The following CNTN4 variants were observed in gnomAD, a reference collection of about 807,000 sequenced individuals.
CNTN4 encodes the protein contactin-4.
In CNTN4, 77 loss-of-function variants were observed where a neutral mutation model predicts 122.5. That is an observed-to-expected ratio of 0.63 (90% CI 0.52 to 0.76). The LOEUF (loss-of-function observed/expected upper bound fraction) is 0.76, where lower values mean the gene tolerates loss of function less well. CNTN4 is among the 30% of genes least tolerant of loss of function. The probability of loss-of-function intolerance (pLI) is 0.00; values close to 1 mark genes in which losing one functional copy is unlikely to be tolerated. For synonymous variants in CNTN4, 512 were observed against 447.0 expected (o/e 1.15, Z -1.83); for missense variants, 1,256 against 1,259.1 (o/e 1.00, Z 0.04).
rs941426573 is a variant in CNTN4 at position 3,031,590 on chromosome 3, C to CA, written c.1783+615_1783+616insA. ...ATTTGGACCTAAGAGCTATGACCCC[C>CA]CCGGCTGAGCAACACCAACTGAGTA... On this transcript the variant is annotated intron_variant, in intron 16 of 24. Coordinates refer to ENST00000418658, the MANE Select transcript of CNTN4 (RefSeq NM_175607.3). Among the ~76,000 whole-genome samples, 6 of 152,020 alleles carry CA rather than the reference C, an allele frequency of 3.9e-5. No homozygotes were observed. In the East Asian group the frequency reaches 5.8e-4, roughly 15 times the overall value.
intron 3 of CNTN4, among the ~76,000 whole-genome samples, chr3:2,420,815 G>A (rs1055389835): frequency 6.6e-6 from 1 of 152,118 alleles, no homozygotes; most frequent in Non-Finnish European, 1.5e-5. Flanking sequence ...TAGTTACACT[G>A]TAATACTTGT....
rs143945026 is a variant in CNTN4, at chr3:2,497,686, G to C, written c.-88-73730G>C. On this transcript the variant is annotated intron_variant, in intron 3 of 24. Coordinates refer to ENST00000418658, the MANE Select transcript of CNTN4 (RefSeq NM_175607.3). ...TGAACTTATTTAATGTCATTTTCCTGTTCTTGCCTACCCGATTGAATACTA... is the reference window on the plus strand; with the variant it reads ...TGAACTTATTTAATGTCATTTTCCTCTTCTTGCCTACCCGATTGAATACTA... 4.6e-3 allele frequency among the ~76,000 whole-genome samples: 696 copies of C among 152,228 alleles called. 4 individuals carry two copies. Among genetic ancestry groups the C allele is most frequent in the Non-Finnish European group, 7.4e-3 (500 of 68,002 alleles).
chr3:2,153,128 T>C (rs2035566903), intron 2 of CNTN4, among the ~76,000 whole-genome samples: 1 of 151,964 alleles, frequency 6.6e-6, no homozygotes, highest in South Asian at 2.1e-4. Flanking sequence ...TGAAGTGAAA[T>C]AGGGAGTTGG....
At chr3:2,686,438 A>T (rs1435530954) in intron 4 of CNTN4, among the ~76,000 whole-genome samples, 1 of 152,134 alleles carries the variant, frequency 6.6e-6, no homozygotes, top group Non-Finnish European at 1.5e-5. Context: ...TCCAGGATAT[A>T]GTTTCCCGGT....
intron 2 of CNTN4, among the ~76,000 whole-genome samples, chr3:2,125,150 A>G (rs1161557598): frequency 1.3e-5 from 2 of 152,172 alleles, no homozygotes; most frequent in African/African-American, 4.8e-5. Context: ...GGAAGCCACC[A>G]TTCTACTCTT....
At chr3:2,618,762 C>T (rs2081878346) in intron 4 of CNTN4, among the ~76,000 whole-genome samples, 1 of 152,104 alleles carries the variant, frequency 6.6e-6, no homozygotes, top group African/African-American at 2.4e-5. Flanking sequence ...TTAGTGAAAC[C>T]TACAATGTTT....
At position 2,607,610 on chromosome 3, in the gene CNTN4, C is replaced by CCACACACACAAACACACACA. The variant is rs1553580834; in HGVS notation, c.55+36062_55+36063insAACACACACACACACACACA. On this transcript the variant is annotated intron_variant, in intron 4 of 24. Coordinates refer to ENST00000418658, the MANE Select transcript of CNTN4 (RefSeq NM_175607.3). ...AATACGTGTGTATATACATATGCAT[C>CCACACACACAAACACACACA]CACACACACACACACATAACTAATG... 9.6e-5 allele frequency among the ~76,000 whole-genome samples: 14 copies of CCACACACACAAACACACACA among 145,480 alleles called. No homozygotes were observed. The East Asian group carries it at 2.0e-3, about 21-fold the overall frequency.
chr3:2,740,447 T>C (rs151188392), intron 5 of CNTN4, among the ~76,000 whole-genome samples: 2 of 152,082 alleles, frequency 1.3e-5, no homozygotes, highest in Non-Finnish European at 2.9e-5. Flanking sequence ...ATAACATACA[T>C]GATAAAATTA....
At chr3:2,293,398 T>C (rs2150012051) in intron 2 of CNTN4, among the ~76,000 whole-genome samples, 1 of 152,370 alleles carries the variant, frequency 6.6e-6, no homozygotes, top group Non-Finnish European at 1.5e-5. Flanking sequence ...TATATTGTTT[T>C]TTCATCATTG....
At chr3:2,729,023 A>C (rs1354517002) in intron 4 of CNTN4, among the ~76,000 whole-genome samples, 5 of 152,210 alleles carry the variant, frequency 3.3e-5, no homozygotes, top group African/African-American at 1.2e-4. Context: ...CAGCAATGAC[A>C]AGTAGACTTG....
chr3:2,433,736 G>A (rs191643672), intron 3 of CNTN4, among the ~76,000 whole-genome samples: 2 of 152,238 alleles, frequency 1.3e-5, no homozygotes, highest in East Asian at 1.9e-4. Context: ...TTTTCTTCTA[G>A]TAGTTTTGTA....
At chr3:2,665,252 G>A (rs952300509) in intron 4 of CNTN4, among the ~76,000 whole-genome samples, 6 of 152,152 alleles carry the variant, frequency 3.9e-5, no homozygotes, top group African/African-American at 1.4e-4. Context: ...TACAGAATTT[G>A]TACTTTTTTA....
At chr3:2,289,749 T>C (rs760921090) in intron 2 of CNTN4, among the ~76,000 whole-genome samples, 4 of 152,214 alleles carry the variant, frequency 2.6e-5, no homozygotes, top group Non-Finnish European at 5.9e-5. Flanking sequence ...TTTAGAGGCT[T>C]CTTGCAACTA....
At chr3:2,588,830 G>T (rs2080330712) in intron 4 of CNTN4, among the ~76,000 whole-genome samples, 1 of 146,816 alleles carries the variant, frequency 6.8e-6, no homozygotes, top group African/African-American at 2.5e-5. Context: ...ATGCCCCAAT[G>T]TAATAATATA....
intron 3 of CNTN4, among the ~76,000 whole-genome samples, chr3:2,552,249 T>A (rs567229385): frequency 1.1e-4 from 17 of 152,238 alleles, no homozygotes; most frequent in African/African-American, 3.9e-4. Flanking sequence ...CATTCAGGTG[T>A]TTCAGTAGAA....
At chr3:2,798,054 T>A (rs1279142081) in intron 6 of CNTN4, among the ~76,000 whole-genome samples, 1 of 54,186 alleles carries the variant, frequency 1.8e-5, no homozygotes, top group Non-Finnish European at 4.8e-5. Flanking sequence ...CCATTAAGTA[T>A]TTTTTTTTAA....
intron 3 of CNTN4, among the ~76,000 whole-genome samples, chr3:2,423,432 T>A (rs2047685942): frequency 6.6e-6 from 1 of 152,012 alleles, no homozygotes; most frequent in African/African-American, 2.4e-5. Flanking sequence ...CACTTCTCGA[T>A]GCTGCAAGCA....
Position 2,100,622 on chromosome 3 carries a change from A to G in CNTN4, c.-162A>G, listed in dbSNP as rs1210275093. On this transcript the variant is annotated 5_prime_UTR_variant, in exon 2 of 25. Transcript: ENST00000418658. ...GGAGGTGATTTGGGTGGCATTCATG[A>G]GAAAATTCACGTTACCCGTAAGTTT... 1 of 152,234 alleles carries G rather than the reference A, an allele frequency of 6.6e-6. No individual in the cohort carries two copies. The highest frequency in any genetic ancestry group is 1.5e-5 in the Non-Finnish European group (1 of 68,052). 9.4% of individuals were successfully genotyped at this position (152,234 alleles called of 1,614,324 possible). A position where few individuals can be genotyped will look rare whatever the true frequency, so the allele number is the denominator to read the frequency against.
intron 4 of CNTN4, among the ~76,000 whole-genome samples, chr3:2,683,125 GTCACAAACTCT>G (rs2085250036): frequency 6.6e-6 from 1 of 152,122 alleles, no homozygotes; most frequent in African/African-American, 2.4e-5. Context: ...CTCCCAGAGT[GTCACAAACTCT>G]TTACAACAAG....
Sources: gnomAD v4.1 joint callset for allele counts (sites outside exome capture counted in the v4.1 genomes callset) on GRCh38, gnomAD v4.1.1 for gene constraint, MANE v1.5 for transcripts, NCBI Gene and HGNC (gene_info 2026-07-23, HGNC 2026-07-21) for gene names.